PLCB4: variants seen among roughly 807,000 people sequenced by gnomAD.
PLCB4 encodes the protein phospholipase C beta 4.
PLCB4 carries 77 observed loss-of-function variants against 178.8 expected under a neutral mutation model. The observed-to-expected ratio is 0.43, with a 90% CI of 0.36 to 0.52. PLCB4 has a LOEUF of 0.52. Among genes scored for constraint, PLCB4 ranks in the 20% least tolerant of loss-of-function variants. PLCB4 has a pLI of 0.00. For missense variants in PLCB4, 1,024 were observed against 1,453.4 expected (o/e 0.70, Z 4.80); for synonymous variants, 496 against 490.8 (o/e 1.01, Z -0.14).
In PLCB4 at chr20:9,389,941, C is replaced by T. The variant is rs1237535815; in HGVS notation, c.1221C>T (p.Ser407=). 6.4e-7 allele frequency: 1 copy of T among 1,562,006 alleles called. No homozygotes were observed. Among genetic ancestry groups the T allele is most frequent in the South Asian group, 1.1e-5 (1 of 90,006 alleles). ...CATCAGAATATCCTGTAATTCTCTCCTTTGAAAATCACTGCAGGTATAATG... is the reference window on the plus strand; with the variant it reads ...CATCAGAATATCCTGTAATTCTCTCTTTTGAAAATCACTGCAGGTATAATG... The part of the protein sequence containing the change: ...FVTSEYPVIL[S]FENHCSKYQQ... Residue 407 remains serine (S), a synonymous_variant, in exon 16 of 40, where the codon TCC becomes TCT. Coordinates refer to ENST00000378473, the MANE Select transcript of PLCB4 (RefSeq NM_001377142.1).
intron 18 of PLCB4, among the ~76,000 whole-genome samples, chr20:9,395,127 C>T (rs984741513): frequency 2.0e-5 from 3 of 152,124 alleles, no homozygotes; most frequent in African/African-American, 7.2e-5. Flanking sequence ...TGTTGCCAAC[C>T]TGCCTATTTT....
chr20:9,325,979 C>T (rs1747270897), intron 4 of PLCB4, among the ~76,000 whole-genome samples: 2 of 151,948 alleles, frequency 1.3e-5, no homozygotes, highest in Non-Finnish European at 2.9e-5. Flanking sequence ...AGCCCATTTC[C>T]CGATTCCAAG....
At chr20:9,260,744 C>CAG (rs537493917) in intron 3 of PLCB4, among the ~76,000 whole-genome samples, 142 of 152,066 alleles carry the variant, frequency 9.3e-4, no homozygotes, top group African/African-American at 3.2e-3. Flanking sequence ...TATAAATTTT[C>CAG]AGAGAGAGAG....
chr20:9,123,706 A>G (rs56404510), intron 2 of PLCB4, among the ~76,000 whole-genome samples: 57 of 152,152 alleles, frequency 3.7e-4, no homozygotes, highest in African/African-American at 1.3e-3. Context: ...TAACATAGGT[A>G]GATAAGTAGG....
chr20:9,451,610 T>C (rs1271714698), intron 32 of PLCB4, among the ~76,000 whole-genome samples: 2 of 152,202 alleles, frequency 1.3e-5, no homozygotes, highest in African/African-American at 4.8e-5. Context: ...TGTTCCTCTA[T>C]TCCTGGGGCA....
intron 1 of PLCB4, among the ~76,000 whole-genome samples, chr20:9,089,759 T>G (rs1005064835): frequency 6.6e-6 from 1 of 152,170 alleles, no homozygotes; most frequent in Non-Finnish European, 1.5e-5. Context: ...TATTTTAAGA[T>G]GTGGAGAAAG....
intron 2 of PLCB4, among the ~76,000 whole-genome samples, chr20:9,123,263 T>G (rs1057104593): frequency 2.0e-5 from 3 of 152,126 alleles, no homozygotes; most frequent in Non-Finnish European, 4.4e-5. Flanking sequence ...TGAATAGTAT[T>G]TGCCTTTGAA....
chr20:9,406,577 C>G lies in PLCB4; in HGVS notation c.1647+1229C>G, dbSNP rs558285607. 7.3e-3 allele frequency among the ~76,000 whole-genome samples: 1,107 copies of G among 151,968 alleles called. 13 individuals are homozygous for G. The highest frequency in any genetic ancestry group is 0.025 in the African/African-American group (1,052 of 41,424). On this transcript the variant is annotated intron_variant, in intron 21 of 39. Transcript: ENST00000378473. ...GATCTCCGCTCACTGAAAGCTCTGC[C>G]CCCCGGGTTCACTTCATTCGCCATT... is the stretch of plus-strand genomic sequence containing the variant.
At chr20:9,331,400 A>G (rs563904864) in intron 4 of PLCB4, among the ~76,000 whole-genome samples, 1 of 152,268 alleles carries the variant, frequency 6.6e-6, no homozygotes. Context: ...GAAGATGCCA[A>G]CTCCACAGTA....
chr20:9,316,872 T>C (rs763141631), intron 4 of PLCB4, among the ~76,000 whole-genome samples: 9 of 152,174 alleles, frequency 5.9e-5, no homozygotes, highest in Non-Finnish European at 1.3e-4. Flanking sequence ...GTGCTGATAA[T>C]ATTATCTGGT....
chr20:9,354,877 A>C (rs56287265), intron 7 of PLCB4, among the ~76,000 whole-genome samples: 10,643 of 152,242 alleles, frequency 0.07, 412 homozygotes, highest in African/African-American at 0.093. Context: ...ATGCACATTA[A>C]AGTTTGAGAA....
At chr20:9,388,168 G>A (rs772649358) in intron 15 of PLCB4, among the ~76,000 whole-genome samples, 10 of 152,138 alleles carry the variant, frequency 6.6e-5, no homozygotes, top group Non-Finnish European at 1.3e-4. Context: ...AACCCGAGAG[G>A]TGGAGGTTGC....
In PLCB4 at chr20:9,315,104, G is replaced by A. The variant is rs150008085; in HGVS notation, c.84+7206G>A. Among the ~76,000 whole-genome samples, 499 of 152,168 alleles carry A rather than the reference G, an allele frequency of 3.3e-3. 1 individual carries two copies. The highest frequency in any genetic ancestry group is 0.011 in the African/African-American group (459 of 41,538). On this transcript the variant is annotated intron_variant, in intron 4 of 39. Transcript: ENST00000378473. ...CATAAACAGAAAGTCTATTTACACA[G>A]AAAGGTTTGAGGAAAAAGAACCTCT...
chr20:9,328,540 C>T (rs1043687870), intron 4 of PLCB4, among the ~76,000 whole-genome samples: 2 of 152,158 alleles, frequency 1.3e-5, no homozygotes, highest in Non-Finnish European at 2.9e-5. Context: ...TGATTGCTGG[C>T]ATCAGTGGCA....
chr20:9,385,945 T>A, intron 14 of PLCB4, among the ~76,000 whole-genome samples: 1 of 152,164 alleles, frequency 6.6e-6, no homozygotes, highest in Non-Finnish European at 1.5e-5. Flanking sequence ...ATCACGCCAC[T>A]ACACTCCAGC....
intron 3 of PLCB4, among the ~76,000 whole-genome samples, chr20:9,298,456 G>A (rs1338713464): frequency 3.3e-5 from 5 of 151,938 alleles, no homozygotes; most frequent in African/African-American, 1.2e-4. Flanking sequence ...AGAATATATT[G>A]ACAGTTATTC....
chr20:9,287,888 C>G, intron 3 of PLCB4, among the ~76,000 whole-genome samples: 1 of 152,038 alleles, frequency 6.6e-6, no homozygotes, highest in Admixed American at 6.6e-5. Flanking sequence ...AGGCAAACAA[C>G]AGTAATTTCC....
intron 4 of PLCB4, among the ~76,000 whole-genome samples, chr20:9,327,483 A>C (rs1288714939): frequency 6.6e-6 from 1 of 152,040 alleles, no homozygotes; most frequent in Non-Finnish European, 1.5e-5. Context: ...CTCTTAAAAA[A>C]AAATCAATAC....
chr20:9,356,835 GCCAGGTGCAGTGGCT>G (rs2034869540), intron 7 of PLCB4, among the ~76,000 whole-genome samples: 2 of 152,254 alleles, frequency 1.3e-5, no homozygotes, highest in South Asian at 4.2e-4. Flanking sequence ...ACAAAAATGG[GCCAGGTGCAGTGGCT>G]CATGCCTGTA....
Sources: allele counts gnomAD v4.1 joint callset (sites outside exome capture counted in the v4.1 genomes callset), GRCh38; gene constraint gnomAD v4.1.1; transcripts MANE v1.5; gene names NCBI Gene and HGNC (gene_info 2026-07-23, HGNC 2026-07-21).